GLI2: variants seen among roughly 807,000 people sequenced by gnomAD.
GLI2 encodes the protein GLI family zinc finger 2.
GLI2 carries 22 observed loss-of-function variants against 78.9 expected under a neutral mutation model. The ratio of observed to expected loss-of-function variants is 0.28; its 90% CI spans 0.20 to 0.40. The LOEUF is 0.40. Among genes scored for constraint, GLI2 ranks in the 10% least tolerant of loss-of-function variants. The probability of loss-of-function intolerance (pLI) is 1.00; values close to 1 mark genes in which losing one functional copy is unlikely to be tolerated. For missense variants in GLI2, 2,097 were observed against 2,213.2 expected, an observed-to-expected ratio of 0.95 and a Z score of 1.05; for synonymous variants, 974 against 963.7, an observed-to-expected ratio of 1.01 and a Z score of -0.20.
intron 10 of GLI2, among the ~76,000 whole-genome samples, chr2:120,981,795 T>C (rs1343899748): frequency 6.6e-6 from 1 of 152,154 alleles, no homozygotes; most frequent in Non-Finnish European, 1.5e-5. Flanking sequence ...CCTTCTTCCC[T>C]CTCTCCCCAC....
chr2:120,927,369 C>T lies in GLI2; in HGVS notation c.157C>T (p.His53Tyr). 2 of 1,612,152 alleles carry T rather than the reference C, an allele frequency of 1.2e-6. No homozygotes were observed. Among genetic ancestry groups the T allele is most frequent in the Non-Finnish European group, 1.7e-6 (2 of 1,178,186 alleles). Residue 53 changes from histidine (H) to tyrosine (Y), a missense_variant, in exon 3 of 14, where the codon CAT becomes TAT. This residue lies in a region of GLI2 where 578 missense variants were observed against 612.0 expected (regional missense o/e 0.94). Transcript: ENST00000361492. ...AAVAAQGVPQHLLPPFHAPLP... is the reference protein window; with the variant it reads ...AAVAAQGVPQYLLPPFHAPLP... The stretch of plus-strand genomic sequence containing the variant: ...TCTCTCCCCCTCTGCAGTGCCGCAG[C>T]ATCTCTTGCCACCATTCCATGCGCC...
chr2:120,918,262 C>T (rs1261384843), intron 2 of GLI2, among the ~76,000 whole-genome samples: 5 of 152,072 alleles, frequency 3.3e-5, no homozygotes, highest in Non-Finnish European at 5.9e-5. Context: ...GAGGGAGCAT[C>T]GGTGGATGCC....
chr2:120,781,341 G>T (rs1478360369), intron 1 of GLI2, among the ~76,000 whole-genome samples: 2 of 152,262 alleles, frequency 1.3e-5, no homozygotes, highest in Middle Eastern at 3.4e-3. Flanking sequence ...GCCAAAACCA[G>T]GTGGGCAGAG....
rs1204353331 is a variant in GLI2, at chr2:120,913,150, A to G, written c.149-14211A>G. Among the ~76,000 whole-genome samples, 4 of 152,226 alleles carry G rather than the reference A, an allele frequency of 2.6e-5. No individual in the cohort carries two copies. The East Asian group carries it at 7.7e-4, about 29-fold the overall frequency. ...TCTCATCACCATATTTTGTGTATTG[A>G]TGGGACTTTTACTAAGCTAGACTAG... is the stretch of plus-strand genomic sequence containing the variant. On this transcript the variant is annotated intron_variant, in intron 2 of 13. Transcript: ENST00000361492.
rs766387015 is a variant in GLI2 at position 120,989,013 on chromosome 2, G to C, written c.3048G>C (p.Glu1016Asp). The change falls in exon 14 of 14, where the codon GAG becomes GAC. Residue 1016 changes from glutamate to aspartate, a missense_variant. Transcript: ENST00000361492. ...CGCCCCGGCCGCCTAGCATCAGCGA[G>C]AACGTGGCGATGGAGGCCGTGGCGG... ...AYSPRPPSIS[E>D]NVAMEAVAAG... 21 of 1,601,536 alleles carry C rather than the reference G, an allele frequency of 1.3e-5. No individual in the cohort carries two copies. Among genetic ancestry groups the C allele is most frequent in the Non-Finnish European group, 1.6e-5 (19 of 1,177,686 alleles).
intron 2 of GLI2, among the ~76,000 whole-genome samples, chr2:120,812,277 G>A (rs926216539): frequency 3.9e-5 from 6 of 152,170 alleles, no homozygotes; most frequent in Admixed American, 1.3e-4. Flanking sequence ...CACACATGTC[G>A]CGGCCCGGTC....
At chr2:120,951,481 G>C in intron 4 of GLI2, 36 bp downstream of exon 4, 1 of 1,388,952 alleles carries the variant, frequency 7.2e-7, no homozygotes, top group Non-Finnish European at 1.0e-6. Flanking sequence ...GGGCAGCTAG[G>C]GCACTGGGGC....
intron 1 of GLI2, among the ~76,000 whole-genome samples, chr2:120,779,108 C>T (rs1683764592): frequency 3.3e-5 from 5 of 152,178 alleles, no homozygotes; most frequent in African/African-American, 4.8e-5. Context: ...AGGTAATATC[C>T]GCTGTGCACT....
At chr2:120,949,763 C>A (rs1573656754) in intron 3 of GLI2, among the ~76,000 whole-genome samples, 1 of 152,338 alleles carries the variant, frequency 6.6e-6, no homozygotes, top group East Asian at 1.9e-4. Context: ...TCCCTCCAGG[C>A]CTGGCACAGC....
chr2:120,796,038 C>T (rs1172373424), intron 1 of GLI2, among the ~76,000 whole-genome samples: 2 of 152,110 alleles, frequency 1.3e-5, no homozygotes, highest in African/African-American at 4.8e-5. Flanking sequence ...GAGTGAGACT[C>T]CAGCTCAAAA....
At chr2:120,888,566 G>C (rs1475658891) in intron 2 of GLI2, among the ~76,000 whole-genome samples, 3 of 151,504 alleles carry the variant, frequency 2.0e-5, no homozygotes, top group Non-Finnish European at 4.4e-5. Flanking sequence ...TGAGGGCCAT[G>C]TTCCCTAACA....
intron 1 of GLI2, among the ~76,000 whole-genome samples, chr2:120,744,947 G>A (rs771283143): frequency 2.0e-5 from 3 of 152,186 alleles, no homozygotes; most frequent in Non-Finnish European, 2.9e-5. Flanking sequence ...TTACTATGAT[G>A]TCCCTCAGAT....
chr2:120,969,227 T>C (rs879080220), intron 6 of GLI2, among the ~76,000 whole-genome samples: 1 of 152,242 alleles, frequency 6.6e-6, no homozygotes, highest in Admixed American at 6.5e-5. Context: ...AGCCAAGTAT[T>C]GGCCAACCTT....
intron 2 of GLI2, among the ~76,000 whole-genome samples, chr2:120,836,472 C>T (rs754671753): frequency 3.0e-4 from 45 of 152,176 alleles, no homozygotes; most frequent in Non-Finnish European, 5.6e-4. Flanking sequence ...TTTCTCTCCT[C>T]GCCTGTTGAG....
chr2:120,797,719 G>GGGAGGGGAGAGAGGGA (rs1032255373), intron 2 of GLI2, among the ~76,000 whole-genome samples: 36 of 152,174 alleles, frequency 2.4e-4, no homozygotes, highest in Middle Eastern at 3.4e-3. Context: ...CCTGAGTACT[G>GGGAGGGGAGAGAGGGA]GGAGGGGAGA....
At position 120,829,855 on chromosome 2, in the gene GLI2, G is replaced by A. The variant is rs562494380; in HGVS notation, c.148+32387G>A. ...GGGGGCACTCAGAGGGAAGTGCAGG[G>A]CTGAGTTCATGTAAGTTCTGCAAGC... On this transcript the variant is annotated intron_variant, in intron 2 of 13. Coordinates refer to ENST00000361492, the MANE Select transcript of GLI2 (RefSeq NM_001374353.1). Among the ~76,000 whole-genome samples the A allele has an allele frequency of 9.0e-4, 137 of 152,322 alleles. 4 individuals are homozygous for A. In the South Asian group the frequency reaches 0.028, roughly 31 times the overall value.
intron 3 of GLI2, 81 bp downstream of exon 3, chr2:120,927,547 C>T (rs941680022): frequency 7.9e-6 from 7 of 881,354 alleles, no homozygotes; most frequent in Non-Finnish European, 1.4e-5. Flanking sequence ...TCAGCCACAT[C>T]TCCTGCCTCT....
chr2:120,777,027 C>T (rs1371788656), intron 1 of GLI2, among the ~76,000 whole-genome samples: 1 of 152,148 alleles, frequency 6.6e-6, no homozygotes, highest in Non-Finnish European at 1.5e-5. Flanking sequence ...GGGCAGGGGG[C>T]GGTGCTGTCA....
At chr2:120,899,242 C>A (rs939248138) in intron 2 of GLI2, among the ~76,000 whole-genome samples, 10 of 152,062 alleles carry the variant, frequency 6.6e-5, no homozygotes, top group Non-Finnish European at 1.2e-4. Context: ...TACAAGCAGG[C>A]GTCTTGGTGG....
Sources: allele counts gnomAD v4.1 joint callset (sites outside exome capture counted in the v4.1 genomes callset), GRCh38; gene constraint gnomAD v4.1.1; regional missense constraint gnomAD v4.1.1; transcripts MANE v1.5; gene names NCBI Gene and HGNC (gene_info 2026-07-23, HGNC 2026-07-21).